Variants in PCDH9 observed in about 807,000 individuals in gnomAD.
PCDH9 encodes the protein protocadherin-9.
PCDH9 carries 24 observed loss-of-function variants against 70.6 expected under a neutral mutation model. The ratio of observed to expected loss-of-function variants is 0.34; its 90% CI spans 0.25 to 0.48. PCDH9 has a LOEUF of 0.48. Ranked by LOEUF, PCDH9 falls within the 20% of genes least tolerant of loss-of-function variation. PCDH9 has a pLI of 0.99. For missense variants in PCDH9, 1,281 were observed against 1,503.6 expected, an observed-to-expected ratio of 0.85 and a Z score of 2.45; for synonymous variants, 562 against 558.5, an observed-to-expected ratio of 1.01 and a Z score of -0.09.
chr13:66,871,867 C>A (rs2081696469), intron 3 of PCDH9, among the ~76,000 whole-genome samples: 1 of 151,942 alleles, frequency 6.6e-6, no homozygotes, highest in South Asian at 2.1e-4. Context: ...TTGTCTGAAA[C>A]ATACTCCTCT....
intron 3 of PCDH9, among the ~76,000 whole-genome samples, chr13:66,671,731 A>G (rs1217851354): frequency 1.3e-5 from 2 of 152,242 alleles, no homozygotes; most frequent in East Asian, 1.9e-4. Context: ...GCAGTAAAGC[A>G]TTCAAGATGT....
chr13:67,214,969 TA>T (rs1277121434), intron 2 of PCDH9: 7 of 136,336 alleles, frequency 5.1e-5, no homozygotes, highest in Non-Finnish European at 8.0e-5. Flanking sequence ...TATATATATA[TA>T]TATTCACTTA....
chr13:66,788,781 G>T (rs1316505535), intron 3 of PCDH9, among the ~76,000 whole-genome samples: 3 of 149,876 alleles, frequency 2.0e-5, no homozygotes, highest in African/African-American at 7.4e-5. Flanking sequence ...CCTCACAGCA[G>T]TATTGTAAAA....
intron 4 of PCDH9, among the ~76,000 whole-genome samples, chr13:66,410,182 G>T (rs1217984618): frequency 6.6e-6 from 1 of 151,226 alleles, no homozygotes; most frequent in African/African-American, 2.4e-5. Flanking sequence ...TATTTCTGAA[G>T]TCTTTATTCT....
chr13:67,069,637 A>C (rs769021322), intron 2 of PCDH9, among the ~76,000 whole-genome samples: 5 of 152,068 alleles, frequency 3.3e-5, no homozygotes, highest in Non-Finnish European at 7.4e-5. Context: ...TGCTTTTCAC[A>C]CTCTATAATT....
chr13:66,964,011 A>C (rs939240283), intron 2 of PCDH9, among the ~76,000 whole-genome samples: 1 of 152,138 alleles, frequency 6.6e-6, no homozygotes, highest in Non-Finnish European at 1.5e-5. Context: ...TAGTTTACAG[A>C]CTTAATAATA....
intron 2 of PCDH9, among the ~76,000 whole-genome samples, chr13:67,101,307 G>C (rs1176209807): frequency 6.6e-6 from 1 of 152,132 alleles, no homozygotes; most frequent in Non-Finnish European, 1.5e-5. Context: ...ATGAGCTTCT[G>C]TGCAGCTGGA....
chr13:66,713,942 T>C (rs902698447), intron 3 of PCDH9, among the ~76,000 whole-genome samples: 5 of 152,084 alleles, frequency 3.3e-5, no homozygotes, highest in African/African-American at 1.2e-4. Flanking sequence ...ATATTCTTTT[T>C]GTAACTGATG....
chr13:66,896,794 G>C (rs1250680839), intron 3 of PCDH9, among the ~76,000 whole-genome samples: 1 of 152,104 alleles, frequency 6.6e-6, no homozygotes, highest in Admixed American at 6.6e-5. Context: ...AGCCAGGAAA[G>C]AGGTCTGCAT....
At chr13:66,456,817 T>C (rs1314391705) in intron 4 of PCDH9, among the ~76,000 whole-genome samples, 4 of 152,012 alleles carry the variant, frequency 2.6e-5, no homozygotes, top group Non-Finnish European at 5.9e-5. Flanking sequence ...TGCTATGGAG[T>C]ATGGTGATTA....
chr13:67,154,535 C>A (rs1294389175), intron 2 of PCDH9, among the ~76,000 whole-genome samples: 1 of 138,898 alleles, frequency 7.2e-6, no homozygotes, highest in Admixed American at 7.5e-5. Flanking sequence ...ACGATTTTGC[C>A]ACTACACTCC....
Position 67,074,033 on chromosome 13 carries a change from T to C in PCDH9, c.3036+151372A>G, listed in dbSNP as rs561978114. Among the ~76,000 whole-genome samples, 42 of 103,612 alleles carry C rather than the reference T, an allele frequency of 4.1e-4. 1 individual carries two copies. In the South Asian group the frequency reaches 0.014, roughly 36 times the overall value. 68.0% of individuals were successfully genotyped at this position (103,612 alleles called of 152,430 possible). A position where few individuals can be genotyped will look rare whatever the true frequency, so the allele number is the denominator to read the frequency against. On this transcript the variant is annotated intron_variant, in intron 2 of 4. Transcript: ENST00000377865. ...TTTGAATCTCATTGAGATGAAATTCTATCTATCTATCTATCTATCTATCTA... is the reference window on the plus strand; with the variant it reads ...TTTGAATCTCATTGAGATGAAATTCCATCTATCTATCTATCTATCTATCTA...
chr13:66,320,522 C>A (rs1955734453), intron 4 of PCDH9, among the ~76,000 whole-genome samples: 1 of 151,960 alleles, frequency 6.6e-6, no homozygotes, highest in Admixed American at 6.6e-5. Context: ...TTGTCTAGAA[C>A]AATTGGCTTC....
chr13:66,419,608 C>T (rs111525025), intron 4 of PCDH9, among the ~76,000 whole-genome samples: 2,190 of 152,060 alleles, frequency 0.014, 19 homozygotes, highest in Non-Finnish European at 0.02. Context: ...TGCCGAGGAA[C>T]GGTGCATTCC....
chr13:66,360,658 T>C (rs939128530), intron 4 of PCDH9, among the ~76,000 whole-genome samples: 2 of 152,062 alleles, frequency 1.3e-5, no homozygotes, highest in African/African-American at 2.4e-5. Context: ...TATTAAAAAA[T>C]TGAACATAGT....
At chr13:67,225,216 A>G in intron 2 of PCDH9, 189 bp downstream of exon 2, 1 of 1,331,756 alleles carries the variant, frequency 7.5e-7, no homozygotes, top group South Asian at 1.8e-5. Context: ...CTCAGAACTC[A>G]GAAATTTCAA....
intron 3 of PCDH9, among the ~76,000 whole-genome samples, chr13:66,795,851 T>C (rs992051054): frequency 6.6e-6 from 1 of 152,136 alleles, no homozygotes; most frequent in African/African-American, 2.4e-5. Flanking sequence ...AAACACTGAA[T>C]TCTGCTGAAT....
chr13:67,037,510 T>C (rs2085033933), intron 2 of PCDH9, among the ~76,000 whole-genome samples: 1 of 152,240 alleles, frequency 6.6e-6, no homozygotes, highest in South Asian at 2.1e-4. Context: ...TTGTGAATTA[T>C]CATGACCCAA....
chr13:66,513,198 T>G (rs796286375), intron 4 of PCDH9, among the ~76,000 whole-genome samples: 29 of 151,214 alleles, frequency 1.9e-4, no homozygotes, highest in African/African-American at 6.8e-4. Flanking sequence ...ACACGTGTTT[T>G]TTTTTTTTTT....
Sources: allele counts gnomAD v4.1 joint callset (sites outside exome capture counted in the v4.1 genomes callset), GRCh38; gene constraint gnomAD v4.1.1; transcripts MANE v1.5; gene names NCBI Gene and HGNC (gene_info 2026-07-23, HGNC 2026-07-21).